The following PRDM6 variants were observed in gnomAD, a reference collection of about 807,000 sequenced individuals.
PRDM6 encodes PR/SET domain 6.
A neutral mutation model predicts 60.8 loss-of-function variants in PRDM6; 25 were observed. The ratio of observed to expected loss-of-function variants is 0.41; its 90% CI spans 0.30 to 0.57. PRDM6 has a LOEUF of 0.57. Among genes scored for constraint, PRDM6 ranks in the 20% least tolerant of loss-of-function variants. The pLI is 0.27. For missense variants in PRDM6, 839 were observed against 821.3 expected (o/e 1.02, Z -0.26); for synonymous variants, 407 against 357.4 (o/e 1.14, Z -1.57).
chr5:123,118,124 G>T (rs181908196), intron 3 of PRDM6, among the ~76,000 whole-genome samples: 8 of 152,352 alleles, frequency 5.3e-5, no homozygotes, highest in African/African-American at 1.9e-4. Context: ...TGAAGAGCCA[G>T]TTGGGGAGGT....
At position 123,121,939 on chromosome 5, in the gene PRDM6, G is replaced by A. The variant is rs566697298; in HGVS notation, c.900+21978G>A. ...AGCACTATGGGAGGCCAAGGCCGGC[G>A]GATCACGAGGTCAGGAGTTCGAGAC... On this transcript the variant is annotated intron_variant, in intron 3 of 7. Coordinates refer to ENST00000407847, the MANE Select transcript of PRDM6 (RefSeq NM_001136239.4). Among the ~76,000 whole-genome samples, 78 of 150,354 alleles carry A rather than the reference G, an allele frequency of 5.2e-4. No individual in the cohort carries two copies. The East Asian group carries it at 8.2e-3, about 16-fold the overall frequency.
At chr5:123,129,678 GA>G (rs1472118946) in intron 3 of PRDM6, among the ~76,000 whole-genome samples, 2 of 152,132 alleles carry the variant, frequency 1.3e-5, no homozygotes, top group Non-Finnish European at 2.9e-5. Context: ...TAAATTCACT[GA>G]ATTTAGGTGT....
intron 3 of PRDM6, among the ~76,000 whole-genome samples, chr5:123,136,325 G>T (rs1340451182): frequency 6.6e-6 from 1 of 151,962 alleles, no homozygotes; most frequent in Non-Finnish European, 1.5e-5. Flanking sequence ...TTTCTGTCCT[G>T]GTCGTTTTAA....
intron 3 of PRDM6, among the ~76,000 whole-genome samples, chr5:123,135,864 T>A (rs1164411485): frequency 2.6e-5 from 4 of 152,186 alleles, no homozygotes; most frequent in African/African-American, 9.7e-5. Context: ...ACCAATCCGC[T>A]TGGACAGTGG....
Position 123,154,338 on chromosome 5 carries a change from A to C in PRDM6, c.901-1546A>C, listed in dbSNP as rs576673311. On this transcript the variant is annotated intron_variant, in intron 3 of 7. Transcript: ENST00000407847. The stretch of plus-strand genomic sequence containing the variant: ...CATTAGCCTTAAATAAATATAATCC[A>C]AGAATCTCTTCACTCTGCTCAAGCT... 3.9e-5 allele frequency among the ~76,000 whole-genome samples: 6 copies of C among 152,266 alleles called. No homozygotes were observed. The South Asian group carries it at 8.3e-4, about 21-fold the overall frequency.
At chr5:123,122,443 C>G (rs1038362158) in intron 3 of PRDM6, among the ~76,000 whole-genome samples, 20 of 152,130 alleles carry the variant, frequency 1.3e-4, no homozygotes, top group South Asian at 4.1e-4. Flanking sequence ...TTGGATTTCT[C>G]TGAAGCGGGA....
rs541826346 is a variant in PRDM6, at chr5:123,192,606, A to G, written c.*5405A>G. Reference sequence around the variant, plus strand: ...TCTAAGCAGGAATCTAAAATTCCACATTGAAAGAAAAAAAAATAACCCTCT... The same window carrying G: ...TCTAAGCAGGAATCTAAAATTCCACGTTGAAAGAAAAAAAAATAACCCTCT... On this transcript the variant is annotated 3_prime_UTR_variant, in exon 8 of 8. Coordinates refer to ENST00000407847, the MANE Select transcript of PRDM6 (RefSeq NM_001136239.4). The G allele has an allele frequency of 2.0e-5, 3 of 152,258 alleles. No homozygotes were observed. The highest frequency in any genetic ancestry group is 7.2e-5 in the African/African-American group (3 of 41,530). 9.4% of individuals were successfully genotyped at this position (152,258 alleles called of 1,614,324 possible). A position where few individuals can be genotyped will look rare whatever the true frequency, so the allele number is the denominator to read the frequency against.
chr5:123,105,747 A>G (rs1764186758), intron 3 of PRDM6, among the ~76,000 whole-genome samples: 1 of 152,228 alleles, frequency 6.6e-6, no homozygotes, highest in Admixed American at 6.5e-5. Context: ...TAGTTCAGAC[A>G]TTCCTTGTAT....
chr5:123,164,161 C>T (rs2897733), intron 5 of PRDM6, among the ~76,000 whole-genome samples: 1 of 129,296 alleles, frequency 7.7e-6, no homozygotes, highest in African/African-American at 2.8e-5. Context: ...TACAAGAGAA[C>T]ACATAAGCAC....
At chr5:123,181,548 A>C (rs1355698473) in intron 7 of PRDM6, among the ~76,000 whole-genome samples, 2 of 152,154 alleles carry the variant, frequency 1.3e-5, no homozygotes, top group Non-Finnish European at 2.9e-5. Context: ...AACTCTTTTC[A>C]GTTCAACCCT....
intron 4 of PRDM6, among the ~76,000 whole-genome samples, chr5:123,156,941 C>T (rs767729873): frequency 1.3e-5 from 2 of 152,126 alleles, no homozygotes; most frequent in African/African-American, 2.4e-5. Flanking sequence ...TATAAACAGC[C>T]GTGTTCTCTT....
chr5:123,091,353 C>G (rs1351163074), intron 2 of PRDM6, among the ~76,000 whole-genome samples: 1 of 152,196 alleles, frequency 6.6e-6, no homozygotes, highest in Non-Finnish European at 1.5e-5. Context: ...CATTCATAAC[C>G]CATGTTGGTT....
chr5:123,182,552 A>G (rs868645464), intron 7 of PRDM6, among the ~76,000 whole-genome samples: 3 of 152,128 alleles, frequency 2.0e-5, no homozygotes, highest in Non-Finnish European at 4.4e-5. Flanking sequence ...AACCTTGTTG[A>G]CTTCACTCAA....
intron 5 of PRDM6, among the ~76,000 whole-genome samples, chr5:123,169,055 T>G (rs115070365): frequency 0.012 from 1,894 of 152,366 alleles, 45 homozygotes; most frequent in African/African-American, 0.043. Context: ...GGCCTTGAAC[T>G]GGTGGCCAGT....
At chr5:123,123,603 T>A (rs1036772866) in intron 3 of PRDM6, among the ~76,000 whole-genome samples, 2 of 152,212 alleles carry the variant, frequency 1.3e-5, no homozygotes, top group Non-Finnish European at 2.9e-5. Context: ...GCAAAAAAAA[T>A]ATTTTACAAT....
intron 7 of PRDM6, among the ~76,000 whole-genome samples, chr5:123,184,345 G>A (rs1433175274): frequency 6.6e-6 from 1 of 151,930 alleles, no homozygotes; most frequent in East Asian, 1.9e-4. Flanking sequence ...TGCTCACAAT[G>A]GTATAATAGA....
chr5:123,140,259 AGTT>A (rs1223279022), intron 3 of PRDM6, among the ~76,000 whole-genome samples: 1 of 149,854 alleles, frequency 6.7e-6, no homozygotes, highest in Non-Finnish European at 1.5e-5. Context: ...TCCCAATTGT[AGTT>A]TTCTTTCTTT....
At chr5:123,113,043 T>A (rs1326426558) in intron 3 of PRDM6, among the ~76,000 whole-genome samples, 1 of 152,146 alleles carries the variant, frequency 6.6e-6, no homozygotes, top group Non-Finnish European at 1.5e-5. Flanking sequence ...GTTGTACACT[T>A]TTGAATTAAC....
intron 5 of PRDM6, among the ~76,000 whole-genome samples, chr5:123,167,392 C>CTT (rs34980495): frequency 7.0e-5 from 10 of 142,204 alleles, no homozygotes; most frequent in African/African-American, 2.6e-4. Flanking sequence ...AATTAGGTTA[C>CTT]TTTTTTTTTT....
Sources: allele counts gnomAD v4.1 joint callset (sites outside exome capture counted in the v4.1 genomes callset), GRCh38; gene constraint gnomAD v4.1.1; transcripts MANE v1.5; gene names NCBI Gene and HGNC (gene_info 2026-07-23, HGNC 2026-07-21).